Variants in NUP153 observed in about 807,000 individuals in gnomAD.
NUP153 encodes nuclear pore complex protein Nup153.
A neutral mutation model predicts 134.6 loss-of-function variants in NUP153; 27 were observed. The observed-to-expected ratio is 0.20, with a 90% CI of 0.15 to 0.28. NUP153 has a LOEUF of 0.28. Ranked by LOEUF, NUP153 falls within the 10% of genes least tolerant of loss-of-function variation. The pLI is 1.00. For synonymous variants in NUP153, 640 were observed against 623.5 expected, an observed-to-expected ratio of 1.03 and a Z score of -0.40; for missense variants, 1,821 against 1,731.3, an observed-to-expected ratio of 1.05 and a Z score of -0.92.
intron 17 of NUP153, among the ~76,000 whole-genome samples, chr6:17,630,703 G>A (rs192664001): frequency 1.4e-5 from 2 of 148,074 alleles, no homozygotes; most frequent in African/African-American, 2.5e-5. Flanking sequence ...CAGAGGAGAC[G>A]GGAGACGAGA....
intron 18 of NUP153, among the ~76,000 whole-genome samples, chr6:17,627,898 T>C (rs1019005557): frequency 1.3e-4 from 20 of 152,238 alleles, no homozygotes; most frequent in African/African-American, 4.8e-4. Flanking sequence ...TTAAGACCAA[T>C]GTCTTTCTTT....
chr6:17,675,780 A>G lies in NUP153; in HGVS notation c.335-10T>C. 6.2e-7 allele frequency: 1 copy of G among 1,611,392 alleles called. No individual in the cohort carries two copies. The highest frequency in any genetic ancestry group is 8.5e-7 in the Non-Finnish European group (1 of 1,177,506). ...CTAGTTGTTGAAGGTTCTTAAAAGA[A>G]AAGCATTAATATTATGAATATACAA... On this transcript the variant is annotated splice_polypyrimidine_tract_variant and intron_variant, in intron 2 of 21. Coordinates refer to ENST00000262077, the MANE Select transcript of NUP153 (RefSeq NM_005124.4). This position sits in a 1 kb window ranked among gnomAD's most constrained non-coding sequence, Gnocchi z 4.4.
chr6:17,646,753 T>G (rs1472131256), intron 13 of NUP153, among the ~76,000 whole-genome samples: 1 of 151,526 alleles, frequency 6.6e-6, no homozygotes, highest in Non-Finnish European at 1.5e-5. Context: ...TTTTTTTTTG[T>G]TTTGAGGTGG....
Position 17,628,617 on chromosome 6 carries a change from A to AG in NUP153, c.3544+37_3544+38insC. 1 of 1,174,546 alleles carries AG rather than the reference A, an allele frequency of 8.5e-7. No individual in the cohort carries two copies. The highest frequency in any genetic ancestry group is 1.1e-6 in the Non-Finnish European group (1 of 930,938). 72.8% of individuals were successfully genotyped at this position (1,174,546 alleles called of 1,614,324 possible). A position where few individuals can be genotyped will look rare whatever the true frequency, so the allele number is the denominator to read the frequency against. The stretch of plus-strand genomic sequence containing the variant: ...TTGTAAAACGACAACTTGTAAAAAA[A>AG]AAAATAATAATAATAATAATAAAAA... On this transcript the variant is annotated intron_variant, in intron 18 of 21. Transcript: ENST00000262077. The surrounding 1 kb of genome is among the most constrained non-coding windows in gnomAD (Gnocchi z 5.4).
rs770924648 is a variant in NUP153 at position 17,674,902 on chromosome 6, T to G, written c.852+3A>C. The stretch of plus-strand genomic sequence containing the variant: ...GATCATCAACCCTTCTATTGGAACC[T>G]ACCTGATAAGGTGTATTTCGTAGTT... On this transcript the variant is annotated splice_donor_region_variant and intron_variant, in intron 5 of 21. Coordinates refer to ENST00000262077, the MANE Select transcript of NUP153 (RefSeq NM_005124.4). The G allele has an allele frequency of 6.3e-7, 1 of 1,584,482 alleles. No individual in the cohort carries two copies. Among genetic ancestry groups the G allele is most frequent in the Admixed American group, 1.9e-5 (1 of 53,874 alleles).
rs376521486 is a variant in NUP153, at chr6:17,669,480, T to C, written c.919A>G (p.Thr307Ala). 11 of 1,614,080 alleles carry C rather than the reference T, an allele frequency of 6.8e-6. No individual in the cohort carries two copies. The East Asian group carries it at 1.1e-4, about 16-fold the overall frequency. The change falls in exon 6 of 22, where the codon ACA becomes GCA. Residue 307 changes from threonine (T) to alanine (A), a missense_variant. Thr to Ala is a moderately conservative substitution (Grantham distance 58). Transcript: ENST00000262077. ...AAAGACTGCAATATTCGCCGAGCTG[T>C]TGAACTGGTCACACCGTAAGATTGT... ...SAQSYGVTSS[T>A]ARRILQSLEK...
intron 1 of NUP153, among the ~76,000 whole-genome samples, chr6:17,693,399 C>G (rs1429628723): frequency 6.6e-6 from 1 of 152,052 alleles, no homozygotes; most frequent in African/African-American, 2.4e-5. Flanking sequence ...TTGTGCTCCT[C>G]CCTGCTTAAA....
chr6:17,676,228 G>C (rs1043273314), intron 2 of NUP153, among the ~76,000 whole-genome samples: 2 of 152,122 alleles, frequency 1.3e-5, no homozygotes, highest in African/African-American at 2.4e-5. Context: ...GTAAAGAAAG[G>C]ATTCGGCTTC....
At chr6:17,704,820 C>T (rs1434919655) in intron 1 of NUP153, among the ~76,000 whole-genome samples, 18 of 151,310 alleles carry the variant, frequency 1.2e-4, no homozygotes, top group African/African-American at 4.4e-4. Flanking sequence ...AGTGCAGGGG[C>T]AAGATCTCTG....
intron 11 of NUP153, among the ~76,000 whole-genome samples, chr6:17,651,116 C>G (rs1766473115): frequency 6.6e-6 from 1 of 152,018 alleles, no homozygotes; most frequent in South Asian, 2.1e-4. Flanking sequence ...CTGGGCAACA[C>G]AGCAAGACCC....
rs2113820992 is a variant in NUP153, at chr6:17,665,229, A to C, written c.1215+10T>G. The C allele has an allele frequency of 1.3e-6, 2 of 1,584,338 alleles. No homozygotes were observed. Among genetic ancestry groups the C allele is most frequent in the South Asian group, 2.2e-5 (2 of 90,352 alleles). ...TATTCAAAGACTGGTAGAAATATAC[A>C]TATACTCACACTGCACTTGTTATCT... On this transcript the variant is annotated intron_variant, in intron 9 of 21. Coordinates refer to ENST00000262077, the MANE Select transcript of NUP153 (RefSeq NM_005124.4).
At chr6:17,634,589 A>C (rs1471565959) in intron 16 of NUP153, among the ~76,000 whole-genome samples, 2 of 152,078 alleles carry the variant, frequency 1.3e-5, no homozygotes, top group Non-Finnish European at 2.9e-5. Context: ...GGCATCCACG[A>C]CCACGCCCAG....
chr6:17,639,386 C>T (rs1765726811), intron 15 of NUP153, among the ~76,000 whole-genome samples: 1 of 152,004 alleles, frequency 6.6e-6, no homozygotes, highest in South Asian at 2.1e-4. Flanking sequence ...GCAAGTTTTA[C>T]ATTCTTATAC....
In NUP153 at chr6:17,680,737, C is replaced by A. The variant is rs1438424730; in HGVS notation, c.335-4967G>T. Among the ~76,000 whole-genome samples, 1 of 152,104 alleles carries A rather than the reference C, an allele frequency of 6.6e-6. No individual in the cohort carries two copies. The highest frequency in any genetic ancestry group is 1.5e-5 in the Non-Finnish European group (1 of 68,036). ...CCAGAACATAAAAAGTACTCCAACC[C>A]CCAGTGAAAATGGCTTTTATCAAAA... On this transcript the variant is annotated intron_variant, in intron 2 of 21. Coordinates refer to ENST00000262077, the MANE Select transcript of NUP153 (RefSeq NM_005124.4). This position sits in a 1 kb window ranked among gnomAD's most constrained non-coding sequence, Gnocchi z 4.5.
rs534242557 is a variant in NUP153 at position 17,669,439 on chromosome 6, G to C, written c.960C>G (p.Ser320Arg). 2 of 1,612,374 alleles carry C rather than the reference G, an allele frequency of 1.2e-6. No individual in the cohort carries two copies. Among genetic ancestry groups the C allele is most frequent in the African/African-American group, 2.7e-5 (2 of 74,996 alleles). The part of the protein sequence containing the change: ...RILQSLEKMS[S>R]PLADAKRIPS... ...GATTTTAAAAATTTACCGCTAAAGG[G>C]CTTGACATCTTCTCTAAAGACTGCA... Residue 320 changes from serine to arginine, a missense_variant, in exon 6 of 22, where the codon AGC (serine) becomes AGG (arginine). By Grantham distance (110) the Ser-to-Arg change is moderately radical. Coordinates refer to ENST00000262077, the MANE Select transcript of NUP153 (RefSeq NM_005124.4).
chr6:17,634,365 C>T (rs1436317225), intron 16 of NUP153, among the ~76,000 whole-genome samples: 1 of 152,106 alleles, frequency 6.6e-6, no homozygotes, highest in African/African-American at 2.4e-5. Flanking sequence ...CTCATGACTT[C>T]AAATATCAAA....
chr6:17,659,087 C>T (rs998716725), intron 11 of NUP153, among the ~76,000 whole-genome samples: 7 of 152,342 alleles, frequency 4.6e-5, no homozygotes, highest in Middle Eastern at 3.4e-3. Context: ...GCACAACCAA[C>T]GCTTCAAAAG....
At chr6:17,620,051 T>C (rs933009634) in intron 20 of NUP153, among the ~76,000 whole-genome samples, 37 of 134,060 alleles carry the variant, frequency 2.8e-4, no homozygotes, top group African/African-American at 9.8e-4. Flanking sequence ...TGAGCCAAGA[T>C]TGCACCATTA....
intron 17 of NUP153, among the ~76,000 whole-genome samples, chr6:17,632,373 G>C (rs1047291785): frequency 6.6e-6 from 1 of 151,998 alleles, no homozygotes; most frequent in African/African-American, 2.4e-5. Flanking sequence ...GGGGCTAGCA[G>C]TTAAAAACAA....
Sources: allele counts gnomAD v4.1 joint callset (sites outside exome capture counted in the v4.1 genomes callset), GRCh38; gene constraint gnomAD v4.1.1; non-coding constraint Gnocchi (gnomAD v3.1); transcripts MANE v1.5; gene names NCBI Gene and HGNC (gene_info 2026-07-23, HGNC 2026-07-21).